NRG1: variants seen among roughly 807,000 people sequenced by gnomAD.
The protein encoded by NRG1 is neuregulin 1.
Under a neutral mutation model 63.8 loss-of-function variants are expected in NRG1, and 18 were observed. That is an observed-to-expected ratio of 0.28 (90% CI 0.19 to 0.42). The LOEUF is 0.42. Among genes scored for constraint, NRG1 ranks in the 10% least tolerant of loss-of-function variants. The probability of loss-of-function intolerance (pLI) is 1.00; values close to 1 mark genes in which losing one functional copy is unlikely to be tolerated. For synonymous variants in NRG1, 302 were observed against 301.3 expected (o/e 1.00, Z -0.02); for missense variants, 762 against 814.7 (o/e 0.94, Z 0.79).
chr8:32,088,763 C>T (rs1828660904), intron 1 of NRG1, among the ~76,000 whole-genome samples: 1 of 152,114 alleles, frequency 6.6e-6, no homozygotes, highest in African/African-American at 2.4e-5. Context: ...CATGATCCTC[C>T]TGCCTCGGCG....
At chr8:32,236,071 A>G (rs752995952) in intron 1 of NRG1, among the ~76,000 whole-genome samples, 6 of 152,084 alleles carry the variant, frequency 3.9e-5, no homozygotes, top group Non-Finnish European at 8.8e-5. Flanking sequence ...TACAGAGTCT[A>G]CTATCAGAAT....
chr8:32,017,433 GCAGACAC>G lies in NRG1; in HGVS notation c.37+378006_37+378012del, dbSNP rs150979912. ...CAATAGGCAATCAATCAGTTCTGCA[GCAGACAC>G]CAGCTGGGTGTCATCCAGTTTAATT... On this transcript the variant is annotated intron_variant, in intron 1 of 10. Transcript: ENST00000519301. Among the ~76,000 whole-genome samples the G allele has an allele frequency of 6.4e-3, 975 of 152,278 alleles. 9 individuals are homozygous for G. Among genetic ancestry groups the G allele is most frequent in the African/African-American group, 0.023 (937 of 41,552 alleles).
intron 5 of NRG1, among the ~76,000 whole-genome samples, chr8:32,628,068 A>C (rs1284789859): frequency 2.0e-5 from 3 of 152,162 alleles, no homozygotes; most frequent in African/African-American, 7.2e-5. Context: ...TTGAGAACAG[A>C]TTTTTTTCAA....
chr8:32,119,598 A>C (rs1208893335), intron 1 of NRG1, among the ~76,000 whole-genome samples: 2 of 152,098 alleles, frequency 1.3e-5, no homozygotes, highest in Non-Finnish European at 2.9e-5. Context: ...TAGTAAATGC[A>C]ATGTGAGAAG....
intron 1 of NRG1, among the ~76,000 whole-genome samples, chr8:31,743,559 TATGTG>T (rs1221205037): frequency 6.6e-6 from 1 of 150,548 alleles, no homozygotes; most frequent in Non-Finnish European, 1.5e-5. Flanking sequence ...TATTGTTTAA[TATGTG>T]TGTGTGTGTG....
chr8:31,751,696 G>C (rs1428555667), intron 1 of NRG1, among the ~76,000 whole-genome samples: 2 of 151,990 alleles, frequency 1.3e-5, no homozygotes, highest in Non-Finnish European at 2.9e-5. Context: ...GGATGAAACA[G>C]TGGTAGCTTA....
chr8:31,943,989 A>T (rs183596995), intron 1 of NRG1, among the ~76,000 whole-genome samples: 3 of 152,224 alleles, frequency 2.0e-5, no homozygotes, highest in African/African-American at 7.2e-5. Context: ...TCAAAATGGT[A>T]CACATTCTTC....
intron 1 of NRG1, among the ~76,000 whole-genome samples, chr8:32,322,181 C>T (rs895043768): frequency 6.6e-5 from 10 of 151,196 alleles, no homozygotes; most frequent in African/African-American, 2.4e-4. Context: ...ATAGCAAGAC[C>T]CCATCTCTAA....
At chr8:32,423,407 T>A (rs1268820972) in intron 1 of NRG1, among the ~76,000 whole-genome samples, 1 of 152,146 alleles carries the variant, frequency 6.6e-6, no homozygotes, top group Non-Finnish European at 1.5e-5. Context: ...AATTCAAAGA[T>A]ATAGGGTCAG....
chr8:32,184,894 T>A (rs1841816316), intron 1 of NRG1, among the ~76,000 whole-genome samples: 2 of 152,112 alleles, frequency 1.3e-5, no homozygotes, highest in African/African-American at 4.8e-5. Flanking sequence ...CCTTGGGAAG[T>A]CTTTAGAAGT....
intron 1 of NRG1, among the ~76,000 whole-genome samples, chr8:32,025,944 TAA>T (rs71208160): frequency 9.7e-5 from 11 of 113,420 alleles, no homozygotes; most frequent in Admixed American, 8.9e-5. Context: ...AGACTCCGTC[TAA>T]AAAAAAAAAA....
rs59251868 is a variant in NRG1 at position 32,141,592 on chromosome 8, GTATATATATATATATATA to G, written c.38-454216_38-454199del. On this transcript the variant is annotated intron_variant, in intron 1 of 10. Coordinates refer to the NRG1 transcript ENST00000519301. The stretch of plus-strand genomic sequence containing the variant: ...ATATATACATATCCTATGTGTGTGG[GTATATATATATATATATA>G]TATATATATATATATATATGAATGA... Among the ~76,000 whole-genome samples, 70 of 71,782 alleles carry G rather than the reference GTATATATATATATATATA, an allele frequency of 9.8e-4. 1 individual carries two copies. The highest frequency in any genetic ancestry group is 7.6e-3 in the Middle Eastern group (1 of 132). 47.1% of individuals were successfully genotyped at this position (71,782 alleles called of 152,430 possible).
chr8:31,746,566 T>C (rs1280892761), intron 1 of NRG1, among the ~76,000 whole-genome samples: 2 of 151,974 alleles, frequency 1.3e-5, no homozygotes, highest in Non-Finnish European at 2.9e-5. Context: ...GTAGGCCCGA[T>C]ACAAGAAGTG....
chr8:32,690,991 T>G (rs916493887), intron 5 of NRG1, among the ~76,000 whole-genome samples: 4 of 150,148 alleles, frequency 2.7e-5, no homozygotes, highest in African/African-American at 9.9e-5. Flanking sequence ...TAGCCATTTA[T>G]TAATCCTAAC....
At chr8:32,193,639 T>C (rs1842704055) in intron 1 of NRG1, among the ~76,000 whole-genome samples, 1 of 152,048 alleles carries the variant, frequency 6.6e-6, no homozygotes, top group Non-Finnish European at 1.5e-5. Flanking sequence ...TGTTATGGGT[T>C]GAATTGTGAT....
At chr8:32,601,556 AT>A (rs1451453486) in intron 2 of NRG1, among the ~76,000 whole-genome samples, 5 of 152,040 alleles carry the variant, frequency 3.3e-5, no homozygotes, top group African/African-American at 1.2e-4. Flanking sequence ...ATCCCAAATA[AT>A]TTCCTTTTCC....
chr8:32,548,988 G>C (rs113474581), intron 1 of NRG1, among the ~76,000 whole-genome samples, 162 bp downstream of exon 1: 25,804 of 152,216 alleles, frequency 0.17, 2,319 homozygotes, highest in Middle Eastern at 0.2. Context: ...CCCCTCCTGG[G>C]GGCCGCCGCT....
intron 3 of NRG1, among the ~76,000 whole-genome samples, chr8:32,609,554 CCTT>C (rs1845941996): frequency 8.5e-5 from 1 of 11,790 alleles, no homozygotes; most frequent in African/African-American, 3.9e-4. Context: ...TTCCCTCCCT[CCTT>C]CCTTCCTTCC....
intron 1 of NRG1, among the ~76,000 whole-genome samples, chr8:32,456,623 T>A (rs1301375602): frequency 2.6e-4 from 39 of 152,368 alleles, no homozygotes; most frequent in Admixed American, 2.5e-3. Flanking sequence ...TACTTTACTG[T>A]AAGAATACGG....
Sources: gnomAD v4.1 joint callset for allele counts (sites outside exome capture counted in the v4.1 genomes callset) on GRCh38, gnomAD v4.1.1 for gene constraint, MANE v1.5 for transcripts, NCBI Gene and HGNC (gene_info 2026-07-23, HGNC 2026-07-21) for gene names.